ANK3: variants seen among roughly 807,000 people sequenced by gnomAD.
ANK3 encodes the protein ankyrin-3.
A neutral mutation model predicts 370.9 loss-of-function variants in ANK3; 57 were observed. The ratio of observed to expected loss-of-function variants is 0.15; its 90% CI spans 0.12 to 0.19. The LOEUF (loss-of-function observed/expected upper bound fraction) is 0.19, where lower values mean the gene tolerates loss of function less well. ANK3 is among the 10% of genes least tolerant of loss of function. The pLI, the probability that ANK3 is intolerant of heterozygous loss-of-function variation, is 1.00. For missense variants in ANK3, 4,439 were observed against 5,302.1 expected, an observed-to-expected ratio of 0.84 and a Z score of 5.06; for synonymous variants, 1,929 against 1,946.3, an observed-to-expected ratio of 0.99 and a Z score of 0.23.
intron 2 of ANK3, among the ~76,000 whole-genome samples, chr10:60,437,630 G>C (rs1025922819): frequency 1.8e-4 from 27 of 152,276 alleles, no homozygotes; most frequent in Admixed American, 1.7e-3. Flanking sequence ...AATTTAATAG[G>C]TTCCATGACC....
At chr10:60,413,602 A>G (rs987231267) in intron 2 of ANK3, among the ~76,000 whole-genome samples, 1 of 152,210 alleles carries the variant, frequency 6.6e-6, no homozygotes, top group African/African-American at 2.4e-5. Context: ...AAAATAAGTA[A>G]TCCTACAGAA....
intron 1 of ANK3, among the ~76,000 whole-genome samples, chr10:60,641,682 A>G (rs2078635150): frequency 6.6e-6 from 1 of 152,148 alleles, no homozygotes; most frequent in Non-Finnish European, 1.5e-5. Context: ...AAAACCCTAG[A>G]AGAAAACCTA....
intron 1 of ANK3, among the ~76,000 whole-genome samples, chr10:60,617,994 C>G (rs992273259): frequency 6.6e-6 from 1 of 152,116 alleles, no homozygotes; most frequent in South Asian, 2.1e-4. Flanking sequence ...TGACTATGGG[C>G]TTAAGACAGG....
At chr10:60,365,493 G>A (rs1463106201) in intron 1 of ANK3, among the ~76,000 whole-genome samples, 1 of 152,162 alleles carries the variant, frequency 6.6e-6, no homozygotes, top group African/African-American at 2.4e-5. Context: ...GACATTATAA[G>A]CATTTAACAG....
chr10:60,234,394 G>A (rs1329291022), intron 8 of ANK3, among the ~76,000 whole-genome samples: 2 of 152,146 alleles, frequency 1.3e-5, no homozygotes, highest in African/African-American at 4.8e-5. Context: ...ATAACTTGCA[G>A]TTTTAGTATC....
At position 60,247,959 on chromosome 10, in the gene ANK3, G is replaced by A. The variant is rs533246112; in HGVS notation, c.799-13173C>T. ...TGGGATTACAGGCGTGAGCCACTGCGCCTGGCCAGCATAATGTCTTAAGGT... is the reference window on the plus strand; with the variant it reads ...TGGGATTACAGGCGTGAGCCACTGCACCTGGCCAGCATAATGTCTTAAGGT... On this transcript the variant is annotated intron_variant, in intron 7 of 43. Coordinates refer to ENST00000280772, the MANE Select transcript of ANK3 (RefSeq NM_020987.5). 1.8e-4 allele frequency among the ~76,000 whole-genome samples: 28 copies of A among 152,296 alleles called. No homozygotes were observed. In the East Asian group the frequency reaches 4.2e-3, roughly 23 times the overall value.
intron 40 of ANK3, 53 bp from the exon 41 acceptor site, chr10:60,059,483 C>G: frequency 6.7e-7 from 1 of 1,489,068 alleles, no homozygotes. Context: ...TAAGAATAGC[C>G]TGTACTTTTT....
At chr10:60,267,625 C>T (rs1328546782) in intron 5 of ANK3, among the ~76,000 whole-genome samples, 2 of 152,068 alleles carry the variant, frequency 1.3e-5, no homozygotes, top group Non-Finnish European at 2.9e-5. Flanking sequence ...CTTTTGGGGC[C>T]TTGAAAACTT....
At chr10:60,268,786 A>C (rs966720974) in intron 5 of ANK3, among the ~76,000 whole-genome samples, 4 of 152,262 alleles carry the variant, frequency 2.6e-5, no homozygotes, top group Admixed American at 1.3e-4. Flanking sequence ...ATTGTAGGAA[A>C]GTTCTGGTTT....
intron 18 of ANK3, among the ~76,000 whole-genome samples, chr10:60,176,000 T>A (rs541894511): frequency 5.7e-4 from 87 of 152,196 alleles, no homozygotes; most frequent in African/African-American, 1.9e-3. Context: ...CAGTGCTCAA[T>A]AAATATTTTA....
chr10:60,177,655 TG>T (rs1209212406), intron 18 of ANK3, among the ~76,000 whole-genome samples: 1 of 138,504 alleles, frequency 7.2e-6, no homozygotes, highest in African/African-American at 2.7e-5. Flanking sequence ...TGGAGTGCAG[TG>T]GTGCGACCTC....
intron 1 of ANK3, among the ~76,000 whole-genome samples, chr10:60,673,813 T>C (rs2079091438): frequency 6.6e-6 from 1 of 152,190 alleles, no homozygotes; most frequent in Non-Finnish European, 1.5e-5. Context: ...CTTCCCCTAA[T>C]GTGACTACAA....
At chr10:60,456,571 C>T (rs185227197) in intron 2 of ANK3, among the ~76,000 whole-genome samples, 2 of 152,218 alleles carry the variant, frequency 1.3e-5, no homozygotes, top group Admixed American at 1.3e-4. Context: ...CTGCAACTGC[C>T]AATTGGAATT....
chr10:60,726,420 T>G (rs2079941729), intron 1 of ANK3, among the ~76,000 whole-genome samples: 1 of 152,320 alleles, frequency 6.6e-6, no homozygotes, highest in Admixed American at 6.5e-5. Flanking sequence ...GACACAAGGT[T>G]CAACAGTAAA....
chr10:60,501,653 C>T (rs1320158500), intron 2 of ANK3, among the ~76,000 whole-genome samples: 6 of 143,942 alleles, frequency 4.2e-5, no homozygotes, highest in South Asian at 2.2e-4. Flanking sequence ...TGCAGTGAAC[C>T]GAGATTGTGC....
chr10:60,076,127 A>G lies in ANK3; in HGVS notation c.4754T>C (p.Val1585Ala). The change falls in exon 37 of 44, where the codon GTG (valine) becomes GCG (alanine). Residue 1585 changes from valine (V) to alanine (A), a missense_variant. Val to Ala is a moderately conservative substitution (Grantham distance 64, BLOSUM62 0). Around this residue, in one of 13 missense-constraint regions of ANK3, gnomAD observed 679 missense variants for 791.0 expected, o/e 0.86. Transcript: ENST00000280772. ...RTMSSPIKTV[V>A]SQSPYNIQVS... ...TTGGATATTGTATGGAGATTGTGAC[A>G]CCACAGTTTTTATCGGCGAAGACAT... 1.2e-6 allele frequency: 2 copies of G among 1,614,212 alleles called. No homozygotes were observed. Among genetic ancestry groups the G allele is most frequent in the Non-Finnish European group, 1.7e-6 (2 of 1,180,006 alleles).
chr10:60,689,852 G>C (rs2079325766), intron 1 of ANK3, among the ~76,000 whole-genome samples: 1 of 151,826 alleles, frequency 6.6e-6, no homozygotes, highest in African/African-American at 2.4e-5. Context: ...ATTATGTTGA[G>C]GGAATAAAGA....
intron 2 of ANK3, among the ~76,000 whole-genome samples, chr10:60,526,949 AT>A (rs1350858119): frequency 8.5e-5 from 13 of 152,142 alleles, no homozygotes; most frequent in African/African-American, 3.1e-4. Context: ...GAATATATGT[AT>A]TGTGTGAATG....
chr10:60,325,983 C>T (rs1180741203), intron 1 of ANK3, among the ~76,000 whole-genome samples: 5 of 152,120 alleles, frequency 3.3e-5, no homozygotes, highest in East Asian at 1.9e-4. Context: ...TTGCAGCTCA[C>T]GGGTGGAGCT....
Sources: gnomAD v4.1 joint callset for allele counts (sites outside exome capture counted in the v4.1 genomes callset) on GRCh38, gnomAD v4.1.1 for gene constraint, gnomAD v4.1.1 regional missense constraint, MANE v1.5 for transcripts, NCBI Gene and HGNC (gene_info 2026-07-23, HGNC 2026-07-21) for gene names.